The following INPP4B variants were observed in gnomAD, a reference collection of about 807,000 sequenced individuals.
INPP4B encodes inositol polyphosphate-4-phosphatase type II B, also known as inositol polyphosphate 4-phosphatase type II.
INPP4B carries 55 observed loss-of-function variants against 122.5 expected under a neutral mutation model. That is an observed-to-expected ratio of 0.45 (90% CI 0.36 to 0.56). INPP4B has a LOEUF of 0.56. Among genes scored for constraint, INPP4B ranks in the 20% least tolerant of loss-of-function variants. The pLI is 0.00. For synonymous variants in INPP4B, 403 were observed against 388.7 expected (o/e 1.04, Z -0.43); for missense variants, 1,000 against 1,097.7 (o/e 0.91, Z 1.26).
intron 12 of INPP4B, among the ~76,000 whole-genome samples, chr4:142,236,626 A>G (rs994637419): frequency 6.6e-6 from 1 of 152,048 alleles, no homozygotes; most frequent in African/African-American, 2.4e-5. Flanking sequence ...TGCAGATTAT[A>G]TTTTAATAAT....
chr4:142,699,480 CACCTACTCTGTCCTTTT>C (rs1761443357), intron 2 of INPP4B, among the ~76,000 whole-genome samples: 1 of 152,160 alleles, frequency 6.6e-6, no homozygotes, highest in African/African-American at 2.4e-5. Context: ...CACAGAGCTC[CACCTACTCTGTCCTTTT>C]ACCTGTGTGG....
chr4:142,664,459 A>C (rs1755691657), intron 2 of INPP4B, among the ~76,000 whole-genome samples: 1 of 152,086 alleles, frequency 6.6e-6, no homozygotes, highest in Admixed American at 6.6e-5. Flanking sequence ...TATAAATGGG[A>C]CAATTCAAAA....
rs138720868 is a variant in INPP4B, at chr4:142,423,657, T to C, written c.136+5516A>G. The stretch of plus-strand genomic sequence containing the variant: ...TACATATTGTTGTGAAAAAACTGAA[T>C]TTTAATCATTAAACTCTAGGACGGT... On this transcript the variant is annotated intron_variant, in intron 5 of 25. Coordinates refer to ENST00000262992, the MANE Select transcript of INPP4B (RefSeq NM_001101669.3). The C allele has an allele frequency of 3.4e-3, 890 of 264,532 alleles. 9 individuals are homozygous for C. The highest frequency in any genetic ancestry group is 0.019 in the African/African-American group (820 of 43,376). 16.4% of individuals were successfully genotyped at this position (264,532 alleles called of 1,614,324 possible). A position where few individuals can be genotyped will look rare whatever the true frequency, so the allele number is the denominator to read the frequency against.
chr4:142,486,665 A>G (rs1228808186), intron 2 of INPP4B, among the ~76,000 whole-genome samples: 1 of 152,128 alleles, frequency 6.6e-6, no homozygotes, highest in Non-Finnish European at 1.5e-5. Flanking sequence ...TTTTTAAGTC[A>G]TATGTTAGAA....
At chr4:142,174,831 T>C (rs1827324723) in intron 15 of INPP4B, among the ~76,000 whole-genome samples, 1 of 152,066 alleles carries the variant, frequency 6.6e-6, no homozygotes, top group African/African-American at 2.4e-5. Context: ...GGTCTTACTA[T>C]GCTTGCACAG....
At chr4:142,038,772 G>A (rs28759215) in intron 25 of INPP4B, among the ~76,000 whole-genome samples, 3,307 of 152,296 alleles carry the variant, frequency 0.022, 124 homozygotes, top group African/African-American at 0.076. Context: ...GGCGTAGGCT[G>A]CCTTGGAAAG....
At position 142,308,296 on chromosome 4, in the gene INPP4B, C is replaced by T. The variant is rs1764198755; in HGVS notation, c.424-2759G>A. Among the ~76,000 whole-genome samples, 7 of 152,166 alleles carry T rather than the reference C, an allele frequency of 4.6e-5. No homozygotes were observed. The South Asian group carries it at 1.2e-3, about 27-fold the overall frequency. On this transcript the variant is annotated intron_variant, in intron 8 of 25. Coordinates refer to ENST00000262992, the MANE Select transcript of INPP4B (RefSeq NM_001101669.3). ...CAATCTGGATAACGATGGCATCATACCATTACATTTCGTAAACTTGTCAGA... is the reference window on the plus strand; with the variant it reads ...CAATCTGGATAACGATGGCATCATATCATTACATTTCGTAAACTTGTCAGA...
chr4:142,722,788 C>T (rs1050899748), intron 2 of INPP4B, among the ~76,000 whole-genome samples: 8 of 152,096 alleles, frequency 5.3e-5, no homozygotes, highest in African/African-American at 9.7e-5. Flanking sequence ...AACCTAATTT[C>T]GGCACTGTGA....
chr4:142,534,395 C>G (rs1188144979), intron 2 of INPP4B, among the ~76,000 whole-genome samples: 1 of 152,060 alleles, frequency 6.6e-6, no homozygotes, highest in Non-Finnish European at 1.5e-5. Context: ...GAGATTAGCA[C>G]CCTTATCAAG....
chr4:142,539,769 G>A (rs1234068328), intron 2 of INPP4B, among the ~76,000 whole-genome samples: 1 of 151,830 alleles, frequency 6.6e-6, no homozygotes, highest in East Asian at 1.9e-4. Context: ...TTAAATTAAA[G>A]AGTTCCTTGG....
chr4:142,681,453 T>C (rs1440666058), intron 2 of INPP4B, among the ~76,000 whole-genome samples: 1 of 151,764 alleles, frequency 6.6e-6, no homozygotes, highest in African/African-American at 2.4e-5. Flanking sequence ...TAAATATAGT[T>C]CAGGTGAAGT....
Position 142,025,038 on chromosome 4 carries a change from C to G in INPP4B, c.*3744G>C, listed in dbSNP as rs1736606162. ...TGAAGATAAGGGATTGCATTTGATACTTTTTAAATAATTTTATACTGCCTC... is the reference window on the plus strand; with the variant it reads ...TGAAGATAAGGGATTGCATTTGATAGTTTTTAAATAATTTTATACTGCCTC... On this transcript the variant is annotated 3_prime_UTR_variant, in exon 26 of 26. Transcript: ENST00000262992. The G allele has an allele frequency of 6.6e-6, 1 of 151,936 alleles. No individual in the cohort carries two copies. The allele number at this position is 151,936 out of a possible 1,614,324, so 9.4% of individuals were successfully genotyped here. A position where few individuals can be genotyped will look rare whatever the true frequency, so the allele number is the denominator to read the frequency against.
intron 7 of INPP4B, among the ~76,000 whole-genome samples, chr4:142,327,179 C>A (rs930743351): frequency 6.6e-6 from 1 of 152,100 alleles, no homozygotes; most frequent in South Asian, 2.1e-4. Context: ...AGTTAATGAA[C>A]GAGCCATTAG....
At chr4:142,545,752 T>C (rs866524653) in intron 2 of INPP4B, among the ~76,000 whole-genome samples, 3 of 141,318 alleles carry the variant, frequency 2.1e-5, no homozygotes, top group African/African-American at 5.4e-5. Context: ...TGTATATATA[T>C]ACACATGTAT....
chr4:142,031,637 A>G (rs527425187), intron 25 of INPP4B, among the ~76,000 whole-genome samples: 55 of 152,298 alleles, frequency 3.6e-4, no homozygotes, highest in Middle Eastern at 6.8e-3. Flanking sequence ...CCTATTGTCA[A>G]TTGTATGAGT....
chr4:142,137,895 G>A (rs1805483077), intron 18 of INPP4B, among the ~76,000 whole-genome samples: 1 of 152,008 alleles, frequency 6.6e-6, no homozygotes, highest in African/African-American at 2.4e-5. Flanking sequence ...AACAGGTGCT[G>A]GAGAGGATGT....
At chr4:142,076,374 ATGATTTC>A (rs1326038423) in intron 25 of INPP4B, among the ~76,000 whole-genome samples, 1 of 152,054 alleles carries the variant, frequency 6.6e-6, no homozygotes, top group Non-Finnish European at 1.5e-5. Flanking sequence ...TTGCTCTAAC[ATGATTTC>A]TAAGATGTGT....
At chr4:142,508,526 G>A (rs1024489181) in intron 2 of INPP4B, among the ~76,000 whole-genome samples, 1 of 152,032 alleles carries the variant, frequency 6.6e-6, no homozygotes, top group African/African-American at 2.4e-5. Flanking sequence ...CTGCCCCCTC[G>A]GCCTCCCAAA....
intron 2 of INPP4B, among the ~76,000 whole-genome samples, chr4:142,584,426 T>C (rs573157671): frequency 1.3e-5 from 2 of 152,318 alleles, no homozygotes; most frequent in Admixed American, 1.3e-4. Context: ...TTCTTTCAAT[T>C]AGACATTGTA....
Sources: allele counts gnomAD v4.1 joint callset (sites outside exome capture counted in the v4.1 genomes callset), GRCh38; gene constraint gnomAD v4.1.1; transcripts MANE v1.5; gene names NCBI Gene and HGNC (gene_info 2026-07-23, HGNC 2026-07-21).